Variants in AMPH observed in about 807,000 individuals in gnomAD.
AMPH encodes the protein amphiphysin (Stiff-Mann syndrome with breast cancer 128kD autoantigen).
In AMPH, 49 loss-of-function variants were observed where a neutral mutation model predicts 99.1. The ratio of observed to expected loss-of-function variants is 0.49; its 90% confidence interval spans 0.39 to 0.63. AMPH has a LOEUF of 0.63. Among genes scored for constraint, AMPH ranks in the 20% least tolerant of loss-of-function variants. The probability of loss-of-function intolerance (pLI) is 0.00; values close to 1 mark genes in which losing one functional copy is unlikely to be tolerated. For missense variants in AMPH, 759 were observed against 863.4 expected, an observed-to-expected ratio of 0.88 and a Z score of 1.52; for synonymous variants, 314 against 317.3, an observed-to-expected ratio of 0.99 and a Z score of 0.11.
intron 17 of AMPH, among the ~76,000 whole-genome samples, chr7:38,403,895 C>A (rs574593391): frequency 2.0e-5 from 3 of 152,336 alleles, no homozygotes; most frequent in African/African-American, 7.2e-5. Flanking sequence ...GATGGCCGCA[C>A]CCCCAGTGAA....
rs115529242 is a variant in AMPH at position 38,598,587 on chromosome 7, G to T, written c.69+32696C>A. Among the ~76,000 whole-genome samples, 776 of 152,090 alleles carry T rather than the reference G, an allele frequency of 5.1e-3. 11 individuals carry two copies. The highest frequency in any genetic ancestry group is 0.017 in the African/African-American group (696 of 41,496). ...AAAGTGCTGGGATTACAGGCGTGAT[G>T]CAATGTTTTAATATCTTACAACACA... On this transcript the variant is annotated intron_variant, in intron 1 of 20. Coordinates refer to ENST00000356264, the MANE Select transcript of AMPH (RefSeq NM_001635.4).
At chr7:38,491,888 G>C (rs1788731815) in intron 4 of AMPH, among the ~76,000 whole-genome samples, 1 of 152,140 alleles carries the variant, frequency 6.6e-6, no homozygotes, top group African/African-American at 2.4e-5. Flanking sequence ...ATCACACCAG[G>C]CTGCCTCACC....
Position 38,571,280 on chromosome 7 carries a change from T to TATATATA in AMPH, c.70-36270_70-36269insTATATAT, listed in dbSNP as rs1562835243. Among the ~76,000 whole-genome samples, 328 of 37,350 alleles carry TATATATA rather than the reference T, an allele frequency of 8.8e-3. 16 individuals carry two copies. Among genetic ancestry groups the TATATATA allele is most frequent in the South Asian group, 0.019 (25 of 1,318 alleles). 24.5% of individuals were successfully genotyped at this position (37,350 alleles called of 152,430 possible). Reference sequence around the variant, plus strand: ...TTAAATATATATTTATATATATATTTTTATATATATTTATATATGAATATA... The same window carrying TATATATA: ...TTAAATATATATTTATATATATATTTATATATATTATATATATTTATATATGAATATA... On this transcript the variant is annotated intron_variant, in intron 1 of 20. Coordinates refer to ENST00000356264, the MANE Select transcript of AMPH (RefSeq NM_001635.4).
At chr7:38,430,062 A>ATT in intron 13 of AMPH, 197 bp from the exon 14 acceptor site, 2 of 534,682 alleles carry the variant, frequency 3.7e-6, no homozygotes, top group Non-Finnish European at 6.5e-6. Context: ...GAAAAGGCAC[A>ATT]AATGAAACAC....
intron 1 of AMPH, among the ~76,000 whole-genome samples, chr7:38,603,917 A>C (rs1793342346): frequency 6.6e-6 from 1 of 152,242 alleles, no homozygotes; most frequent in African/African-American, 2.4e-5. Context: ...GACAAATCTG[A>C]CAAACATGTG....
intron 1 of AMPH, among the ~76,000 whole-genome samples, chr7:38,535,575 A>T (rs1048764428): frequency 6.6e-6 from 1 of 152,134 alleles, no homozygotes; most frequent in African/African-American, 2.4e-5. Flanking sequence ...TTCTATTATT[A>T]TTATTACATT....
intron 11 of AMPH, among the ~76,000 whole-genome samples, chr7:38,442,198 T>C (rs1028242367): frequency 6.6e-6 from 1 of 152,100 alleles, no homozygotes; most frequent in African/African-American, 2.4e-5. Flanking sequence ...CAAACGCCCA[T>C]GACACAAGTT....
intron 1 of AMPH, among the ~76,000 whole-genome samples, chr7:38,591,129 G>A (rs1792840008): frequency 6.6e-6 from 1 of 152,058 alleles, no homozygotes; most frequent in Admixed American, 6.5e-5. Flanking sequence ...TAGGTTACCA[G>A]GTCTCCTCTG....
At chr7:38,433,330 G>C (rs1448170254) in intron 12 of AMPH, among the ~76,000 whole-genome samples, 1 of 152,202 alleles carries the variant, frequency 6.6e-6, no homozygotes. Flanking sequence ...AGACAGGAGA[G>C]AACAGCTCCA....
intron 1 of AMPH, among the ~76,000 whole-genome samples, chr7:38,565,003 A>G (rs1393007325): frequency 6.6e-6 from 1 of 151,886 alleles, no homozygotes. Flanking sequence ...GGGTGCCTGT[A>G]GTCCCAGCTA....
At chr7:38,461,066 T>C (rs574134810) in intron 11 of AMPH, among the ~76,000 whole-genome samples, 64 of 152,270 alleles carry the variant, frequency 4.2e-4, no homozygotes, top group African/African-American at 1.4e-3. Flanking sequence ...TTTCTATAAG[T>C]ATATACTACC....
chr7:38,547,662 T>C (rs925187352), intron 1 of AMPH, among the ~76,000 whole-genome samples: 1 of 152,208 alleles, frequency 6.6e-6, no homozygotes, highest in Non-Finnish European at 1.5e-5. Context: ...GAGGTCCTAA[T>C]GACATGTGCC....
At chr7:38,606,367 C>G (rs1365871341) in intron 1 of AMPH, among the ~76,000 whole-genome samples, 5 of 152,116 alleles carry the variant, frequency 3.3e-5, no homozygotes, top group African/African-American at 1.2e-4. Context: ...ATTCATTAGG[C>G]AGTGAGTCCC....
At chr7:38,611,604 C>T (rs372690642) in intron 1 of AMPH, among the ~76,000 whole-genome samples, 2 of 152,182 alleles carry the variant, frequency 1.3e-5, no homozygotes, top group Non-Finnish European at 2.9e-5. Context: ...GTCTCCATTG[C>T]GGAAGGCAGA....
chr7:38,406,727 TTTC>T (rs1325463373), intron 17 of AMPH, among the ~76,000 whole-genome samples: 67 of 63,370 alleles, frequency 1.1e-3, no homozygotes, highest in Middle Eastern at 9.4e-3. Flanking sequence ...TCTCTCTCCC[TTTC>T]CCTCTCTCTC....
intron 5 of AMPH, among the ~76,000 whole-genome samples, chr7:38,481,536 C>T (rs886635720): frequency 6.6e-6 from 1 of 152,134 alleles, no homozygotes; most frequent in East Asian, 1.9e-4. Context: ...TTTACAATAA[C>T]TGCTCACAGC....
At chr7:38,393,978 C>A (rs371592255) in intron 18 of AMPH, 27 bp downstream of exon 18, 10 of 1,612,676 alleles carry the variant, frequency 6.2e-6, no homozygotes, top group Non-Finnish European at 7.6e-6. Context: ...CCCAGGAGCT[C>A]CCCTGGCTGC....
intron 1 of AMPH, among the ~76,000 whole-genome samples, chr7:38,571,346 TA>T: frequency 8.9e-6 from 1 of 112,290 alleles, no homozygotes; most frequent in Non-Finnish European, 1.6e-5. Context: ...ATATAGAATA[TA>T]TATATTTACA....
At chr7:38,391,565 T>G (rs1276798316) in intron 19 of AMPH, among the ~76,000 whole-genome samples, 183 bp downstream of exon 19, 1 of 152,236 alleles carries the variant, frequency 6.6e-6, no homozygotes, top group African/African-American at 2.4e-5. Context: ...AATTATTCTT[T>G]GTTAAAACAT....
Sources: gnomAD v4.1 joint callset for allele counts (sites outside exome capture counted in the v4.1 genomes callset) on GRCh38, gnomAD v4.1.1 for gene constraint, MANE v1.5 for transcripts, NCBI Gene and HGNC (gene_info 2026-07-23, HGNC 2026-07-21) for gene names.